GALNT17: variants seen among roughly 807,000 people sequenced by gnomAD.
GALNT17 encodes the protein polypeptide N-acetylgalactosaminyltransferase 17, also known as UDP-GalNAc:polypeptide N-acetylgalactosaminyltransferase-like 3.
A neutral mutation model predicts 63.7 loss-of-function variants in GALNT17; 29 were observed. The observed-to-expected ratio is 0.46, with a 90% CI of 0.34 to 0.62. The LOEUF is 0.62. Ranked by LOEUF, GALNT17 falls within the 20% of genes least tolerant of loss-of-function variation. The pLI, the probability that GALNT17 is intolerant of heterozygous loss-of-function variation, is 0.01. For missense variants in GALNT17, 603 were observed against 799.6 expected (o/e 0.75, Z 2.97); for synonymous variants, 305 against 318.3 (o/e 0.96, Z 0.45).
chr7:71,523,960 A>C (rs1264852731), intron 5 of GALNT17, among the ~76,000 whole-genome samples: 1 of 150,376 alleles, frequency 6.6e-6, no homozygotes, highest in Non-Finnish European at 1.5e-5. Context: ...TCTACTAAAA[A>C]TTCAAAAACT....
intron 6 of GALNT17, among the ~76,000 whole-genome samples, chr7:71,632,066 A>G (rs1306797210): frequency 6.6e-6 from 1 of 151,560 alleles, no homozygotes; most frequent in Admixed American, 6.6e-5. Flanking sequence ...AAGGCTTTAA[A>G]GGACCTGAAG....
chr7:71,699,715 T>G (rs1791601929), intron 9 of GALNT17, among the ~76,000 whole-genome samples: 1 of 151,692 alleles, frequency 6.6e-6, no homozygotes, highest in East Asian at 2.0e-4. Flanking sequence ...GGGAGAATCA[T>G]TTGAGCCTAG....
chr7:71,450,057 A>T (rs1008329899), intron 5 of GALNT17, among the ~76,000 whole-genome samples: 1 of 146,326 alleles, frequency 6.8e-6, no homozygotes, highest in East Asian at 2.0e-4. Flanking sequence ...AAAAAAAAAA[A>T]GATTGTCTAA....
chr7:71,668,824 G>A lies in GALNT17; in HGVS notation c.1267-1148G>A, dbSNP rs12532764. On this transcript the variant is annotated intron_variant, in intron 7 of 10. Coordinates refer to ENST00000333538, the MANE Select transcript of GALNT17 (RefSeq NM_022479.3). ...CAGCAGCCATTATGGGTTCATTTCT[G>A]TAAAAGCAGAGTGAATTATTCATTA... Among the ~76,000 whole-genome samples the A allele has an allele frequency of 4.7e-3, 714 of 152,192 alleles. 22 individuals are homozygous for A. The highest frequency in any genetic ancestry group is 0.032 in the Admixed American group (483 of 15,294).
chr7:71,576,403 G>A (rs1474864352), intron 6 of GALNT17, among the ~76,000 whole-genome samples: 2 of 152,188 alleles, frequency 1.3e-5, no homozygotes, highest in African/African-American at 4.8e-5. Context: ...TGGTAGTTCT[G>A]TTTTAAGTTT....
In GALNT17 at chr7:71,625,730, C is replaced by T. The variant is rs369942343; in HGVS notation, c.1081-39681C>T. Among the ~76,000 whole-genome samples the T allele has an allele frequency of 9.5e-4, 144 of 152,224 alleles. No individual in the cohort carries two copies. In the South Asian group the frequency reaches 0.013, roughly 13 times the overall value. On this transcript the variant is annotated intron_variant, in intron 6 of 10. Transcript: ENST00000333538. ...CACATGACTTCAGCAGTCTCCAAAG[C>T]GCTGACAGTCTGTGTTTCTCTGAGA...
chr7:71,534,672 G>T (rs1788775969), intron 5 of GALNT17, among the ~76,000 whole-genome samples: 1 of 151,130 alleles, frequency 6.6e-6, no homozygotes, highest in Admixed American at 6.6e-5. Context: ...GGAGGTAACT[G>T]CTCCCATAAT....
intron 2 of GALNT17, among the ~76,000 whole-genome samples, chr7:71,365,151 T>A (rs1298678984): frequency 6.6e-6 from 1 of 152,148 alleles, no homozygotes; most frequent in Non-Finnish European, 1.5e-5. Context: ...CAGGCTGGTC[T>A]CACACTCCTG....
At chr7:71,485,736 G>A (rs1787898234) in intron 5 of GALNT17, among the ~76,000 whole-genome samples, 1 of 152,206 alleles carries the variant, frequency 6.6e-6, no homozygotes, top group African/African-American at 2.4e-5. Context: ...CATCATTGTA[G>A]CGCCCTCAGA....
At chr7:71,680,770 C>T (rs845062) in intron 9 of GALNT17, among the ~76,000 whole-genome samples, 9,892 of 11,798 alleles carry the variant, frequency 0.84, 4,347 homozygotes, top group Middle Eastern at 1. Context: ...TTTCCTTTCC[C>T]TTCCTTTCTT....
chr7:71,364,246 G>A (rs1350510250), intron 2 of GALNT17, among the ~76,000 whole-genome samples: 1 of 152,172 alleles, frequency 6.6e-6, no homozygotes, highest in Non-Finnish European at 1.5e-5. Context: ...GCAGGCCAGA[G>A]ATTTGAAGTC....
At chr7:71,237,439 G>C (rs1022424845) in intron 1 of GALNT17, among the ~76,000 whole-genome samples, 2 of 150,788 alleles carry the variant, frequency 1.3e-5, no homozygotes, top group African/African-American at 4.9e-5. Context: ...CAGCGCTTTG[G>C]GAGGCCAAGG....
intron 6 of GALNT17, among the ~76,000 whole-genome samples, chr7:71,586,449 T>C (rs545361836): frequency 2.0e-5 from 3 of 152,336 alleles, no homozygotes; most frequent in South Asian, 2.1e-4. Flanking sequence ...AATTGGGTTG[T>C]TTCCAATTTG....
At chr7:71,625,984 A>T (rs9691091) in intron 6 of GALNT17, among the ~76,000 whole-genome samples, 17,195 of 152,094 alleles carry the variant, frequency 0.11, 1,153 homozygotes, top group Non-Finnish European at 0.15. Context: ...AGTGGCTCAC[A>T]CCTGTAATCC....
chr7:71,645,138 C>T (rs957604303), intron 6 of GALNT17, among the ~76,000 whole-genome samples: 19 of 152,226 alleles, frequency 1.2e-4, no homozygotes, highest in Non-Finnish European at 2.5e-4. Flanking sequence ...ACTGGGTGTA[C>T]TCAGGAGGCT....
intron 1 of GALNT17, among the ~76,000 whole-genome samples, chr7:71,335,290 C>T (rs913742803): frequency 7.9e-5 from 12 of 152,078 alleles, no homozygotes; most frequent in African/African-American, 2.9e-4. Context: ...CACCACGACG[C>T]CCAGCTAATT....
chr7:71,199,700 T>C (rs925856972), intron 1 of GALNT17, among the ~76,000 whole-genome samples: 22 of 134,608 alleles, frequency 1.6e-4, no homozygotes, highest in African/African-American at 6.1e-4. Context: ...CATCCATCCA[T>C]CCATCCATCC....
At chr7:71,631,745 G>A (rs1216314110) in intron 6 of GALNT17, among the ~76,000 whole-genome samples, 2 of 152,094 alleles carry the variant, frequency 1.3e-5, no homozygotes. Context: ...TAGAATGGGA[G>A]CCATGGGAGG....
intron 5 of GALNT17, among the ~76,000 whole-genome samples, chr7:71,517,029 G>A (rs1236832606): frequency 1.3e-5 from 2 of 152,152 alleles, no homozygotes; most frequent in African/African-American, 4.8e-5. Flanking sequence ...AGAGCTTGAA[G>A]TCACCCCAGG....
Sources: gnomAD v4.1 joint callset for allele counts (sites outside exome capture counted in the v4.1 genomes callset) on GRCh38, gnomAD v4.1.1 for gene constraint, MANE v1.5 for transcripts, NCBI Gene and HGNC (gene_info 2026-07-23, HGNC 2026-07-21) for gene names.